MYBBP1A: variants seen among roughly 807,000 people sequenced by gnomAD.
MYBBP1A encodes MYB binding protein 1a, also known as myb-binding protein 1A.
A neutral mutation model predicts 136.3 loss-of-function variants in MYBBP1A; 147 were observed. The ratio of observed to expected loss-of-function variants is 1.08; its 90% CI spans 0.94 to 1.24. MYBBP1A has a LOEUF of 1.24. Ranked by LOEUF, MYBBP1A falls within the 50% of genes most tolerant of loss-of-function variation. The probability of loss-of-function intolerance (pLI) is 0.00; values close to 1 mark genes in which losing one functional copy is unlikely to be tolerated. For missense variants in MYBBP1A, 2,060 were observed against 1,727.4 expected (o/e 1.19, Z -3.41); for synonymous variants, 947 against 735.8 (o/e 1.29, Z -4.65).
chr17:4,541,529 C>T lies in MYBBP1A; in HGVS notation c.3231G>A (p.Ala1077=), dbSNP rs757893508. The change falls in exon 24 of 26, where the codon GCG becomes GCA. Residue 1077 remains alanine, a synonymous_variant. Transcript: ENST00000254718. Reference sequence around the variant, plus strand: ...GGGAGGACAGTGCCTGCTGATGCTGCGCCTTGGTCTGCGCCTCCCCCAGCA... The same window carrying T: ...GGGAGGACAGTGCCTGCTGATGCTGTGCCTTGGTCTGCGCCTCCCCCAGCA... The part of the protein sequence containing the change: ...LRVLGEAQTK[A]QHQQALSSLE... 25 of 1,613,268 alleles carry T rather than the reference C, an allele frequency of 1.5e-5. No homozygotes were observed. Among genetic ancestry groups the T allele is most frequent in the African/African-American group, 6.7e-5 (5 of 74,952 alleles).
rs1321773841 is a variant in MYBBP1A at position 4,552,585 on chromosome 17, G to C, written c.603C>G (p.Leu201=). 3 of 1,613,840 alleles carry C rather than the reference G, an allele frequency of 1.9e-6. No individual in the cohort carries two copies. The highest frequency in any genetic ancestry group is 2.5e-6 in the Non-Finnish European group (3 of 1,180,018). Residue 201 remains leucine, a synonymous_variant, in exon 6 of 26, where the codon CTC becomes CTG. Transcript: ENST00000254718. This position sits in a 1 kb window ranked among gnomAD's most constrained non-coding sequence, Gnocchi z 4.7. ...TGAGTATTATATTCAAGTCGGCTTT[G>C]AGGACCTCCGGCAGGATCTCCTGCA... ...ATLQEILPEV[L]KADLNIILSS...
In MYBBP1A at chr17:4,539,064, A is replaced by G. The variant is rs997776150; in HGVS notation, c.*351T>C. The G allele has an allele frequency of 1.6e-6, 2 of 1,278,320 alleles. No individual in the cohort carries two copies. The highest frequency in any genetic ancestry group is 2.3e-6 in the Non-Finnish European group (2 of 881,394). The allele number at this position is 1,278,320 out of a possible 1,614,324, so 79.2% of individuals were successfully genotyped here. A position where few individuals can be genotyped will look rare whatever the true frequency, so the allele number is the denominator to read the frequency against. On this transcript the variant is annotated 3_prime_UTR_variant, in exon 26 of 26. Coordinates refer to ENST00000254718, the MANE Select transcript of MYBBP1A (RefSeq NM_014520.4). ...CCTGGTGGCTCCCTCACAGCAAAAA[A>G]GCCTGGGGGCAAAGAGGTGGCAGGC...
Position 4,542,753 on chromosome 17 carries a change from G to T in MYBBP1A, c.2893-12C>A. On this transcript the variant is annotated splice_polypyrimidine_tract_variant and intron_variant, in intron 20 of 25. Transcript: ENST00000254718. ...AAGCAGCTGGCAGCCTAGGCCAGGG[G>T]AGAGCGAGCTGGGTGAGGCCAGGAG... 1.2e-6 allele frequency: 2 copies of T among 1,613,422 alleles called. No homozygotes were observed. The highest frequency in any genetic ancestry group is 2.2e-5 in the East Asian group (1 of 44,872).
At position 4,539,949 on chromosome 17, in the gene MYBBP1A, C is replaced by A. The variant is rs75753157; in HGVS notation, c.3453G>T (p.Lys1151Asn). Reference sequence around the variant, plus strand: ...CACTGGGGATCTCCTTGGCATCCTTCTTCTCCAACTTGGGGCGCCTGAAGG... The same window carrying A: ...CACTGGGGATCTCCTTGGCATCCTTATTCTCCAACTTGGGGCGCCTGAAGG... The part of the protein sequence containing the change: ...TLGVQRPKLE[K>N]KDAKEIPSAT... Residue 1151 changes from lysine (K) to asparagine (N), a missense_variant, in exon 26 of 26, where the codon AAG becomes AAT. Lys to Asn is a moderately conservative substitution (Grantham distance 94). Transcript: ENST00000254718. The A allele has an allele frequency of 9.3e-5, 148 of 1,598,554 alleles. No individual in the cohort carries two copies. The African/African-American group carries it at 1.8e-3, about 19-fold the overall frequency.
In MYBBP1A at chr17:4,544,480, C is replaced by T. The variant is rs935650605; in HGVS notation, c.2639+9G>A. 2.2e-5 allele frequency: 34 copies of T among 1,546,876 alleles called. No homozygotes were observed. The highest frequency in any genetic ancestry group is 2.7e-5 in the Non-Finnish European group (31 of 1,147,236). On this transcript the variant is annotated intron_variant, in intron 19 of 25. Coordinates refer to ENST00000254718, the MANE Select transcript of MYBBP1A (RefSeq NM_014520.4). ...GCCACACCTGCCCGCCCTGCACCCC[C>T]GTGCTCACGTGAAGATGCGCGCCGT...
intron 24 of MYBBP1A, 146 bp downstream of exon 24, chr17:4,541,316 GC>G: frequency 1.3e-6 from 1 of 740,804 alleles, no homozygotes; most frequent in Non-Finnish European, 2.3e-6. Flanking sequence ...CCAAATGGCA[GC>G]CCAGAGCCCT....
Position 4,541,908 on chromosome 17 carries a change from G to A in MYBBP1A, c.3088-17C>T. 1.2e-6 allele frequency: 2 copies of A among 1,606,878 alleles called. No homozygotes were observed. The highest frequency in any genetic ancestry group is 1.3e-5 in the African/African-American group (1 of 74,926). ...CAGGCAGGCCTGTGGGTGGGCAAAG[G>A]TGGGTGGCAGGAGCCTTGGCACGTT... On this transcript the variant is annotated splice_polypyrimidine_tract_variant and intron_variant, in intron 22 of 25. Transcript: ENST00000254718.
intron 19 of MYBBP1A, 143 bp from the exon 20 acceptor site, chr17:4,543,308 C>A: frequency 8.7e-7 from 1 of 1,153,314 alleles, no homozygotes; most frequent in Non-Finnish European, 1.2e-6. Flanking sequence ...AGAGGAGGGC[C>A]CAGGGCCGCC....
chr17:4,543,245 A>C (rs1906639002), intron 19 of MYBBP1A, 80 bp from the exon 20 acceptor site: 1 of 1,480,780 alleles, frequency 6.8e-7, no homozygotes. Context: ...CCCAAGTCCC[A>C]CTTTATAAGT....
At chr17:4,542,022 C>T in intron 22 of MYBBP1A, 131 bp from the exon 23 acceptor site, 2 of 667,514 alleles carry the variant, frequency 3.0e-6, no homozygotes, top group South Asian at 1.8e-5. Flanking sequence ...CTGCTCTGGG[C>T]TCTGTGACTA....
intron 24 of MYBBP1A, 86 bp from the exon 25 acceptor site, chr17:4,540,570 G>T: frequency 7.0e-7 from 1 of 1,434,134 alleles, no homozygotes; most frequent in South Asian, 1.4e-5. Flanking sequence ...CTGCCCTGTT[G>T]CTGCCTCACC....
intron 15 of MYBBP1A, 131 bp from the exon 16 acceptor site, chr17:4,545,476 A>G: frequency 1.3e-6 from 2 of 1,498,026 alleles, no homozygotes; most frequent in Non-Finnish European, 9.0e-7. Flanking sequence ...AGGCCAGGCC[A>G]AGGCCTCGTT....
Position 4,545,683 on chromosome 17 carries a change from C to T in MYBBP1A, c.2000G>A (p.Arg667His), listed in dbSNP as rs774454773. The T allele has an allele frequency of 1.4e-5, 22 of 1,611,316 alleles. No individual in the cohort carries two copies. The highest frequency in any genetic ancestry group is 1.1e-4 in the East Asian group (5 of 44,772). Reference sequence around the variant, plus strand: ...GCCAAACACGCTCCGGGCCACCTGGCGCATGAGGTGGCTGGGCTGGGCCAA... The same window carrying T: ...GCCAAACACGCTCCGGGCCACCTGGTGCATGAGGTGGCTGGGCTGGGCCAA... ...ALLAQPSHLM[R>H]QVARSVFGHI... The change falls in exon 15 of 26, where the codon CGC (arginine) becomes CAC (histidine). Residue 667 changes from arginine to histidine, a missense_variant. Transcript: ENST00000254718.
chr17:4,548,904 C>CT lies in MYBBP1A; in HGVS notation c.1431-256dup, dbSNP rs1907253086. On this transcript the variant is annotated intron_variant, in intron 10 of 25. Transcript: ENST00000254718. The surrounding 1 kb of genome is among the most constrained non-coding windows in gnomAD (Gnocchi z 4.2). ...CCCGAGCTAGAGAGAGTCAGTGCCC[C>CT]TCTCAAGGAACCAACAGATGGGAGG... is the stretch of plus-strand genomic sequence containing the variant. Among the ~76,000 whole-genome samples the CT allele has an allele frequency of 6.6e-6, 1 of 152,244 alleles. No homozygotes were observed. Among genetic ancestry groups the CT allele is most frequent in the Non-Finnish European group, 1.5e-5 (1 of 68,040 alleles).
rs1440574061 is a variant in MYBBP1A, at chr17:4,540,218, ATGTGTGTGCAGCAGCATGCGTGTGCAGTG to A, written c.3434+101_3434+129del. On this transcript the variant is annotated intron_variant, in intron 25 of 25. Transcript: ENST00000254718. ...CACATCTGAGAATGCGCTTGAGTGC[ATGTGTGTGCAGCAGCATGCGTGTGCAGTG>A]TGCGTGTGCAGCAGCGTGTGTGCAG... 1.7e-5 allele frequency: 23 copies of A among 1,327,806 alleles called. No individual in the cohort carries two copies. The Admixed American group carries it at 2.0e-4, about 12-fold the overall frequency. 82.3% of individuals were successfully genotyped at this position (1,327,806 alleles called of 1,614,324 possible).
In MYBBP1A at chr17:4,554,077, G is replaced by C; in HGVS notation, c.395C>G (p.Ala132Gly). ...CACTCCAAACAGGTTTGCAAAGAGA[G>C]CAGGTCTCAGCATTGCCTAGAAAAG... ...HQVKKAMLRPALFANLFGVLA... is the reference protein window; with the variant it reads ...HQVKKAMLRPGLFANLFGVLA... Residue 132 changes from alanine (A) to glycine (G), a missense_variant, in exon 4 of 26, where the codon GCT (alanine) becomes GGT (glycine). Physicochemically the swap from Ala to Gly is moderately conservative, Grantham distance 60. Coordinates refer to ENST00000254718, the MANE Select transcript of MYBBP1A (RefSeq NM_014520.4). 1 of 1,614,038 alleles carries C rather than the reference G, an allele frequency of 6.2e-7. No homozygotes were observed. Among genetic ancestry groups the C allele is most frequent in the Non-Finnish European group, 8.5e-7 (1 of 1,180,022 alleles).
In MYBBP1A at chr17:4,544,928, G is replaced by A. The variant is rs773146204; in HGVS notation, c.2311-7C>T. On this transcript the variant is annotated splice_polypyrimidine_tract_variant and splice_region_variant and intron_variant, in intron 17 of 25. Transcript: ENST00000254718. Reference sequence around the variant, plus strand: ...TCTCACTGTCCTCTCCACCCTGAGGGACAGAGGCCCAGCGGTCAGCCAGGC... The same window carrying A: ...TCTCACTGTCCTCTCCACCCTGAGGAACAGAGGCCCAGCGGTCAGCCAGGC... 50 of 1,596,120 alleles carry A rather than the reference G, an allele frequency of 3.1e-5. No individual in the cohort carries two copies. Among genetic ancestry groups the A allele is most frequent in the Admixed American group, 2.4e-4 (14 of 59,100 alleles).
rs377765085 is a variant in MYBBP1A, at chr17:4,553,998, CA to C, written c.453+20del. On this transcript the variant is annotated intron_variant, in intron 4 of 25. Coordinates refer to ENST00000254718, the MANE Select transcript of MYBBP1A (RefSeq NM_014520.4). ...CATCCCAAGCCAGCCTACATTCCCCCAGTCCCTCCAAAGCTCTTACCTTCAC... is the reference window on the plus strand; with the variant it reads ...CATCCCAAGCCAGCCTACATTCCCCCGTCCCTCCAAAGCTCTTACCTTCAC... 6.2e-4 allele frequency: 995 copies of C among 1,614,050 alleles called. 21 individuals carry two copies. In the East Asian group the frequency reaches 0.022, roughly 36 times the overall value.
In MYBBP1A at chr17:4,549,422, C is replaced by CG; in HGVS notation, c.1339dup (p.Arg447ProfsTer27). The CG allele has an allele frequency of 6.2e-7, 1 of 1,612,980 alleles. No individual in the cohort carries two copies. The highest frequency in any genetic ancestry group is 1.1e-5 in the South Asian group (1 of 91,056). ...TCGAAAGATGATCCATTTCCTCAGC[C>CG]GGAACACAGCTCGCTCAGGCCTAGC... On this transcript the variant is annotated frameshift_variant, in exon 10 of 26. Transcript: ENST00000254718. LOFTEE classifies it high-confidence loss of function.
Sources: allele counts gnomAD v4.1 joint callset (sites outside exome capture counted in the v4.1 genomes callset), GRCh38; gene constraint gnomAD v4.1.1; non-coding constraint Gnocchi (gnomAD v3.1); transcripts MANE v1.5; gene names NCBI Gene and HGNC (gene_info 2026-07-23, HGNC 2026-07-21).